The following PTPRF variants were observed in gnomAD, a reference collection of about 807,000 sequenced individuals.
PTPRF encodes receptor-type tyrosine-protein phosphatase F.
In PTPRF, 59 loss-of-function variants were observed where a neutral mutation model predicts 201.8. That is an observed-to-expected ratio of 0.29 (90% CI 0.24 to 0.36). The LOEUF (loss-of-function observed/expected upper bound fraction) is 0.36. Among genes scored for constraint, PTPRF ranks in the 10% least tolerant of loss-of-function variants. The pLI is 1.00. For missense variants in PTPRF, 2,132 were observed against 2,690.5 expected, an observed-to-expected ratio of 0.79 and a Z score of 4.59; for synonymous variants, 1,088 against 1,089.7, an observed-to-expected ratio of 1.00 and a Z score of 0.03.
rs761966192 is a variant in PTPRF, at chr1:43,569,576, C to T, written c.380-14C>T. 1.9e-6 allele frequency: 3 copies of T among 1,590,010 alleles called. No individual in the cohort carries two copies. The East Asian group carries it at 6.7e-5, about 36-fold the overall frequency. On this transcript the variant is annotated splice_polypyrimidine_tract_variant and intron_variant, in intron 5 of 33. Coordinates refer to ENST00000359947, the MANE Select transcript of PTPRF (RefSeq NM_002840.5). ...AGAGCCAGCCCTAATACACACATTG[C>T]TGTTTGTCTGCAGAGGAACAGCTGC...
chr1:43,566,572 C>G lies in PTPRF; in HGVS notation c.380-3018C>G, dbSNP rs77520658. Among the ~76,000 whole-genome samples, 33 of 152,290 alleles carry G rather than the reference C, an allele frequency of 2.2e-4. No homozygotes were observed. The East Asian group carries it at 6.0e-3, about 28-fold the overall frequency. On this transcript the variant is annotated intron_variant, in intron 5 of 33. Transcript: ENST00000359947. ...AAGTGTGCCAGTCTGGCTGATAGAT[C>G]AGTTTACACCAGGATGCCCAGTGCT...
chr1:43,613,078 G>T, intron 22 of PTPRF: 1 of 354,160 alleles, frequency 2.8e-6, no homozygotes, highest in Non-Finnish European at 5.5e-6. Flanking sequence ...CCTTCTGCGT[G>T]CCTCTACCTC....
intron 7 of PTPRF, among the ~76,000 whole-genome samples, chr1:43,581,557 C>G (rs375666923): frequency 6.6e-6 from 1 of 152,246 alleles, no homozygotes; most frequent in African/African-American, 2.4e-5. Context: ...TGCCTTGCCT[C>G]TGGTGCCCCC....
chr1:43,539,537 G>A (rs1457693083), intron 2 of PTPRF, among the ~76,000 whole-genome samples: 1 of 152,226 alleles, frequency 6.6e-6, no homozygotes, highest in East Asian at 1.9e-4. Context: ...TCTGGCCTGG[G>A]TAGGGGAAGG....
At chr1:43,571,921 A>G (rs867159254) in intron 6 of PTPRF, among the ~76,000 whole-genome samples, 3 of 152,226 alleles carry the variant, frequency 2.0e-5, no homozygotes, top group African/African-American at 7.2e-5. Flanking sequence ...AAAAGGAGTT[A>G]CAGTAAGCAG....
rs1654194569 is a variant in PTPRF, at chr1:43,603,163, T to G, written c.2341-253T>G. On this transcript the variant is annotated intron_variant, in intron 14 of 33. Coordinates refer to ENST00000359947, the MANE Select transcript of PTPRF (RefSeq NM_002840.5). The surrounding 1 kb of genome is among the most constrained non-coding windows in gnomAD (Gnocchi z 5.8). ...TGAGGGAAACAGTCTGGCCCTTTGTTCTTGTCTGAAAAGAATAATGAGCTG... is the reference window on the plus strand; with the variant it reads ...TGAGGGAAACAGTCTGGCCCTTTGTGCTTGTCTGAAAAGAATAATGAGCTG... Among the ~76,000 whole-genome samples, 1 of 152,080 alleles carries G rather than the reference T, an allele frequency of 6.6e-6. No individual in the cohort carries two copies. The highest frequency in any genetic ancestry group is 2.4e-5 in the African/African-American group (1 of 41,386).
At chr1:43,559,156 T>C (rs897871887) in intron 5 of PTPRF, among the ~76,000 whole-genome samples, 1 of 152,166 alleles carries the variant, frequency 6.6e-6, no homozygotes, top group African/African-American at 2.4e-5. Context: ...TTTAAGGCAG[T>C]GTTTGTGTGA....
chr1:43,533,204 T>A (rs1570864493), intron 1 of PTPRF, among the ~76,000 whole-genome samples: 1 of 152,152 alleles, frequency 6.6e-6, no homozygotes, highest in Non-Finnish European at 1.5e-5. Context: ...CTTTCTTCCT[T>A]CTTCTTGCAA....
At chr1:43,607,699 G>C (rs1489195681) in intron 21 of PTPRF, among the ~76,000 whole-genome samples, 1 of 152,224 alleles carries the variant, frequency 6.6e-6, no homozygotes, top group Non-Finnish European at 1.5e-5. Context: ...CCACACTCCT[G>C]ACATTGCGAC....
At chr1:43,600,007 G>T (rs1164691373) in intron 13 of PTPRF, among the ~76,000 whole-genome samples, 1 of 152,216 alleles carries the variant, frequency 6.6e-6, no homozygotes, top group Non-Finnish European at 1.5e-5. Flanking sequence ...GTGCAGAGGG[G>T]TGGGGTCACC....
Position 43,591,327 on chromosome 1 carries a change from G to T in PTPRF, c.1305G>T (p.Glu435Asp). The T allele has an allele frequency of 1.3e-6, 2 of 1,551,740 alleles. No individual in the cohort carries two copies. The stretch of plus-strand genomic sequence containing the variant: ...CCAGCACCATGCTGGTGCAGTGGGA[G>T]CCTCCCGAGGAGCCCAACGGCCTGG... The part of the protein sequence containing the change: ...LSASTMLVQW[E>D]PPEEPNGLVR... The change falls in exon 9 of 34, where the codon GAG becomes GAT. Residue 435 changes from glutamate (E) to aspartate (D), a missense_variant. This residue lies in a region of PTPRF where 351 missense variants were observed against 401.7 expected (regional missense o/e 0.87). Coordinates refer to ENST00000359947, the MANE Select transcript of PTPRF (RefSeq NM_002840.5).
intron 1 of PTPRF, among the ~76,000 whole-genome samples, chr1:43,533,895 C>G (rs1196872408): frequency 6.6e-6 from 1 of 152,186 alleles, no homozygotes; most frequent in Admixed American, 6.5e-5. Flanking sequence ...CCCCGGCTGC[C>G]TTTCTTCCTT....
intron 12 of PTPRF, chr1:43,598,508 A>G (rs1652940094): frequency 1.8e-6 from 1 of 561,360 alleles, no homozygotes; most frequent in East Asian, 3.0e-5. Flanking sequence ...CCTGGGCCAG[A>G]GGGGTGGGCA....
rs1007242306 is a variant in PTPRF, at chr1:43,602,061, C to G, written c.2314-10C>G. On this transcript the variant is annotated splice_polypyrimidine_tract_variant and intron_variant, in intron 13 of 33. Coordinates refer to ENST00000359947, the MANE Select transcript of PTPRF (RefSeq NM_002840.5). ...TCCTGTCTCCCTTTCTCTCCCTCTC[C>G]CGCGGTCAGTGGCGGCCAGAGGAGT... 1.9e-6 allele frequency: 3 copies of G among 1,612,520 alleles called. No homozygotes were observed. The highest frequency in any genetic ancestry group is 1.7e-6 in the Non-Finnish European group (2 of 1,178,592).
In PTPRF at chr1:43,619,549, G is replaced by C. The variant is rs747310743; in HGVS notation, c.4908G>C (p.Val1636=). 6.2e-7 allele frequency: 1 copy of C among 1,612,978 alleles called. No individual in the cohort carries two copies. The highest frequency in any genetic ancestry group is 1.3e-5 in the African/African-American group (1 of 75,040). The change falls in exon 28 of 34, where the codon GTG becomes GTC. Residue 1636 remains valine, a synonymous_variant. Transcript: ENST00000359947. The part of the protein sequence containing the change: ...KLGQVPPGES[V]TAMELEFKLL... ...GCCAAGTGCCTCCAGGGGAGAGTGT[G>C]ACCGCCATGGAGCTCGAGTTCAAGG...
intron 7 of PTPRF, among the ~76,000 whole-genome samples, chr1:43,585,839 C>T (rs1648987929): frequency 6.6e-6 from 1 of 152,160 alleles, no homozygotes; most frequent in Non-Finnish European, 1.5e-5. Context: ...GCTCTTTGTC[C>T]TGGTATCCAA....
chr1:43,581,877 G>T (rs1011498886), intron 7 of PTPRF, among the ~76,000 whole-genome samples: 1 of 152,224 alleles, frequency 6.6e-6, no homozygotes, highest in Non-Finnish European at 1.5e-5. Flanking sequence ...GACATTTTGG[G>T]CTGGACGATT....
At chr1:43,558,656 G>A (rs1451893333) in intron 5 of PTPRF, among the ~76,000 whole-genome samples, 2 of 152,154 alleles carry the variant, frequency 1.3e-5, no homozygotes, top group East Asian at 3.9e-4. Context: ...TTCTCGCTCC[G>A]CACTCTTGAG....
At chr1:43,610,056 G>A (rs1570631119) in intron 22 of PTPRF, among the ~76,000 whole-genome samples, 2 of 152,166 alleles carry the variant, frequency 1.3e-5, no homozygotes, top group African/African-American at 2.4e-5. Flanking sequence ...AGCAGACACA[G>A]CTCAGACCTC....
Sources: gnomAD v4.1 joint callset for allele counts (sites outside exome capture counted in the v4.1 genomes callset) on GRCh38, gnomAD v4.1.1 for gene constraint, gnomAD v4.1.1 regional missense constraint, Gnocchi (gnomAD v3.1) non-coding constraint, MANE v1.5 for transcripts, NCBI Gene and HGNC (gene_info 2026-07-23, HGNC 2026-07-21) for gene names.